The following TMEM87B variants were observed in gnomAD, a reference collection of about 807,000 sequenced individuals.
TMEM87B encodes transmembrane protein 87B.
A neutral mutation model predicts 80.3 loss-of-function variants in TMEM87B; 83 were observed. That is an observed-to-expected ratio of 1.03 (90% confidence interval 0.87 to 1.24). TMEM87B has a LOEUF of 1.24. TMEM87B is among the 50% of genes most tolerant of loss of function. The pLI, the probability that TMEM87B is intolerant of heterozygous loss-of-function variation, is 0.00. For missense variants in TMEM87B, 625 were observed against 674.4 expected (o/e 0.93, Z 0.81); for synonymous variants, 219 against 230.5 (o/e 0.95, Z 0.45).
intron 7 of TMEM87B, 79 bp downstream of exon 7, chr2:112,081,197 T>C: frequency 6.8e-7 from 1 of 1,466,268 alleles, no homozygotes; most frequent in Non-Finnish European, 9.5e-7. Flanking sequence ...AATTCCTCAG[T>C]AGTTAATGCT....
chr2:112,103,611 G>A (rs918275438), intron 15 of TMEM87B, among the ~76,000 whole-genome samples: 2 of 152,148 alleles, frequency 1.3e-5, no homozygotes, highest in African/African-American at 4.8e-5. Context: ...AGACAAGTCC[G>A]TAGAGGCGGA....
At position 112,098,099 on chromosome 2, in the gene TMEM87B, C is replaced by T. The variant is rs538938500; in HGVS notation, c.1273-496C>T. 5.9e-5 allele frequency among the ~76,000 whole-genome samples: 9 copies of T among 152,086 alleles called. No homozygotes were observed. The East Asian group carries it at 1.5e-3, about 26-fold the overall frequency. On this transcript the variant is annotated intron_variant, in intron 13 of 18. Coordinates refer to ENST00000283206, the MANE Select transcript of TMEM87B (RefSeq NM_032824.3). ...GAAGCAATTATCTGCCTCAGCCTCC[C>T]GAGTCGAGTGATGTTTTCTATGGGT...
At position 112,064,085 on chromosome 2, in the gene TMEM87B, T is replaced by C. The variant is rs1000241096; in HGVS notation, c.227-77T>C. 154 of 1,248,408 alleles carry C rather than the reference T, an allele frequency of 1.2e-4. No homozygotes were observed. The African/African-American group carries it at 2.0e-3, about 17-fold the overall frequency. The allele number at this position is 1,248,408 out of a possible 1,614,324, so 77.3% of individuals were successfully genotyped here. On this transcript the variant is annotated intron_variant, in intron 2 of 18. Transcript: ENST00000283206. ...TACATTAAAGTAGCCTATTTTTAAT[T>C]GCATTCTCAAAACCTTAAGTTTATA...
At chr2:112,072,261 A>G (rs1166896257) in intron 4 of TMEM87B, among the ~76,000 whole-genome samples, 1 of 152,050 alleles carries the variant, frequency 6.6e-6, no homozygotes, top group South Asian at 2.1e-4. Flanking sequence ...TGTCTCTTCT[A>G]TGTTTTGGTA....
chr2:112,098,939 A>G (rs1179642409), intron 14 of TMEM87B, among the ~76,000 whole-genome samples: 1 of 152,194 alleles, frequency 6.6e-6, no homozygotes, highest in Non-Finnish European at 1.5e-5. Context: ...TTACACCTTG[A>G]GGAAAGGAAT....
At chr2:112,065,417 G>A (rs772972685) in intron 3 of TMEM87B, among the ~76,000 whole-genome samples, 30 of 152,012 alleles carry the variant, frequency 2.0e-4, no homozygotes, top group Admixed American at 5.2e-4. Flanking sequence ...AACCTGAGGC[G>A]AGAGGATCAC....
rs769091458 is a variant in TMEM87B, at chr2:112,055,690, G to A, written c.99G>A (p.Leu33=). Residue 33 remains leucine (L), a synonymous_variant, in exon 1 of 19, where the codon CTG becomes CTA. Coordinates refer to ENST00000283206, the MANE Select transcript of TMEM87B (RefSeq NM_032824.3). ...TGCTGCGCGTCGCCCTCTGCCTCCT[G>A]TGCTGGACCCCGGCGGCTGTGCGCG... The part of the protein sequence containing the change: ...APLLRVALCL[L]CWTPAAVRAV... The A allele has an allele frequency of 7.0e-6, 11 of 1,565,170 alleles. No individual in the cohort carries two copies. The highest frequency in any genetic ancestry group is 1.9e-5 in the Admixed American group (1 of 51,832).
Position 112,055,299 on chromosome 2 carries a change from AG to A in TMEM87B, c.-292del, listed in dbSNP as rs199807982. ...CACGCCCACGCTAGGCCCTGAGCCC[AG>A]CCTCCACGTCTCGCCGCCAACTCCA... On this transcript the variant is annotated 5_prime_UTR_variant, in exon 1 of 19. Coordinates refer to ENST00000283206, the MANE Select transcript of TMEM87B (RefSeq NM_032824.3). 4,591 of 452,538 alleles carry A rather than the reference AG, an allele frequency of 0.01. 33 individuals carry two copies. Among genetic ancestry groups the A allele is most frequent in the Admixed American group, 0.013 (279 of 22,146 alleles). 28.0% of individuals were successfully genotyped at this position (452,538 alleles called of 1,614,324 possible).
At chr2:112,065,150 T>G (rs1374766432) in intron 3 of TMEM87B, among the ~76,000 whole-genome samples, 1 of 152,142 alleles carries the variant, frequency 6.6e-6, no homozygotes, top group African/African-American at 2.4e-5. Flanking sequence ...GTATTGTTAT[T>G]AGTATTATAT....
chr2:112,061,594 G>C (rs1398629929), intron 2 of TMEM87B, among the ~76,000 whole-genome samples: 1 of 152,188 alleles, frequency 6.6e-6, no homozygotes, highest in East Asian at 1.9e-4. Context: ...ATGAATTCAT[G>C]TCTCAAAGTC....
At position 112,089,623 on chromosome 2, in the gene TMEM87B, A is replaced by G. The variant is rs770980651; in HGVS notation, c.939-2A>G. The stretch of plus-strand genomic sequence containing the variant: ...TTCTCTGTTTCCTCTTCCTGATTCC[A>G]GGCCTCGTTTAGGAACAGTCATGCA... On this transcript the variant is annotated splice_acceptor_variant, in intron 9 of 18. Coordinates refer to ENST00000283206, the MANE Select transcript of TMEM87B (RefSeq NM_032824.3). LOFTEE classifies it high-confidence loss of function. 1.2e-6 allele frequency: 2 copies of G among 1,613,968 alleles called. No homozygotes were observed. The highest frequency in any genetic ancestry group is 1.3e-5 in the African/African-American group (1 of 75,022).
intron 4 of TMEM87B, among the ~76,000 whole-genome samples, chr2:112,069,533 T>C (rs1018679852): frequency 2.0e-5 from 3 of 152,254 alleles, no homozygotes; most frequent in African/African-American, 2.4e-5. Flanking sequence ...TTCCATGATG[T>C]ATATGTACCA....
At position 112,067,084 on chromosome 2, in the gene TMEM87B, C is replaced by A. The variant is rs777224091; in HGVS notation, c.450+17C>A. On this transcript the variant is annotated intron_variant, in intron 4 of 18. Transcript: ENST00000283206. ...TCTTTGAATGTGAGTATCTGACTTG[C>A]CATGTTAAAGTTTATTTTATTCCCA... 6 of 1,604,100 alleles carry A rather than the reference C, an allele frequency of 3.7e-6. No homozygotes were observed. Among genetic ancestry groups the A allele is most frequent in the Non-Finnish European group, 5.1e-6 (6 of 1,177,294 alleles).
At chr2:112,079,717 C>T (rs994464120) in intron 6 of TMEM87B, among the ~76,000 whole-genome samples, 10 of 152,140 alleles carry the variant, frequency 6.6e-5, no homozygotes, top group African/African-American at 2.4e-4. Flanking sequence ...TACTAATTGA[C>T]ATTTTCACAA....
At position 112,081,123 on chromosome 2, in the gene TMEM87B, G is replaced by A; in HGVS notation, c.654+5G>A. ...TCAGATTGGCCCCTAATGATTGTGA[G>A]TATTTCTCATCATTTTTTCCTTTTT... On this transcript the variant is annotated splice_donor_5th_base_variant and intron_variant, in intron 7 of 18. Transcript: ENST00000283206. The A allele has an allele frequency of 6.2e-7, 1 of 1,611,652 alleles. No individual in the cohort carries two copies. Among genetic ancestry groups the A allele is most frequent in the Non-Finnish European group, 8.5e-7 (1 of 1,179,280 alleles).
At chr2:112,102,013 T>A (rs1009225543) in intron 15 of TMEM87B, among the ~76,000 whole-genome samples, 22 of 152,198 alleles carry the variant, frequency 1.4e-4, no homozygotes, top group Non-Finnish European at 3.2e-4. Context: ...AAAATTTTTT[T>A]AATTTAAAAT....
At chr2:112,082,674 G>A (rs1440740605) in intron 8 of TMEM87B, among the ~76,000 whole-genome samples, 6 of 151,764 alleles carry the variant, frequency 4.0e-5, no homozygotes, top group Non-Finnish European at 7.4e-5. Flanking sequence ...GTGTGTGTGT[G>A]TGCGTGTGCG....
chr2:112,066,503 G>A lies in TMEM87B; in HGVS notation c.319-433G>A, dbSNP rs141385721. On this transcript the variant is annotated intron_variant, in intron 3 of 18. Transcript: ENST00000283206. Reference sequence around the variant, plus strand: ...ACCTCAGGTAGTTGTGTAAATGAGCGTCTCCTCTGCACTCAGCTACCTTTG... The same window carrying A: ...ACCTCAGGTAGTTGTGTAAATGAGCATCTCCTCTGCACTCAGCTACCTTTG... 5.3e-5 allele frequency among the ~76,000 whole-genome samples: 8 copies of A among 152,278 alleles called. No individual in the cohort carries two copies. The East Asian group carries it at 5.8e-4, about 11-fold the overall frequency.
Position 112,085,300 on chromosome 2 carries a change from C to A in TMEM87B, c.839-705C>A, listed in dbSNP as rs566110784. ...CTTCTTGCAGCATAGTTTGCTTTTC[C>A]TCTTTTCTTCTCTGTGCCTTTGCAC... On this transcript the variant is annotated intron_variant, in intron 8 of 18. Coordinates refer to ENST00000283206, the MANE Select transcript of TMEM87B (RefSeq NM_032824.3). 4.5e-4 allele frequency among the ~76,000 whole-genome samples: 68 copies of A among 152,216 alleles called. 1 individual carries two copies. The highest frequency in any genetic ancestry group is 7.9e-4 in the Non-Finnish European group (54 of 68,036).
Sources: gnomAD v4.1 joint callset for allele counts (sites outside exome capture counted in the v4.1 genomes callset) on GRCh38, gnomAD v4.1.1 for gene constraint, MANE v1.5 for transcripts, NCBI Gene and HGNC (gene_info 2026-07-23, HGNC 2026-07-21) for gene names.